The following NRDC variants were observed in gnomAD, a reference collection of about 807,000 sequenced individuals.
The protein encoded by NRDC is nardilysin.
NRDC carries 54 observed loss-of-function variants against 147.1 expected under a neutral mutation model. The observed-to-expected ratio is 0.37, with a 90% CI of 0.29 to 0.46. NRDC has a LOEUF of 0.46. NRDC is among the 20% of genes least tolerant of loss of function. The pLI, the probability that NRDC is intolerant of heterozygous loss-of-function variation, is 1.00. For missense variants in NRDC, 1,082 were observed against 1,370.6 expected (o/e 0.79, Z 3.33); for synonymous variants, 440 against 482.1 (o/e 0.91, Z 1.14).
chr1:51,823,511 G>A (rs1206063866), intron 7 of NRDC, among the ~76,000 whole-genome samples, 153 bp downstream of exon 7: 1 of 152,066 alleles, frequency 6.6e-6, no homozygotes, highest in South Asian at 2.1e-4. Flanking sequence ...TTTGCCACTA[G>A]CTACGTGACA....
chr1:51,847,151 C>G (rs539990613), intron 1 of NRDC, among the ~76,000 whole-genome samples: 138 of 152,332 alleles, frequency 9.1e-4, no homozygotes, highest in Non-Finnish European at 1.6e-3. Context: ...ACACAGAGTG[C>G]TGATTGGTGA....
intron 2 of NRDC, among the ~76,000 whole-genome samples, chr1:51,837,936 G>C (rs1200061871): frequency 6.6e-6 from 1 of 152,088 alleles, no homozygotes; most frequent in African/African-American, 2.4e-5. Flanking sequence ...CCTTAAACAA[G>C]TTTCACACAT....
chr1:51,806,767 G>A, intron 18 of NRDC, 27 bp downstream of exon 18: 1 of 1,603,100 alleles, frequency 6.2e-7, no homozygotes, highest in Non-Finnish European at 8.5e-7. Context: ...AATTCAGCAG[G>A]GAAGTAACAG....
In NRDC at chr1:51,840,521, G is replaced by T; in HGVS notation, c.342-7C>A. On this transcript the variant is annotated splice_region_variant and splice_polypyrimidine_tract_variant and intron_variant, in intron 1 of 30. Transcript: ENST00000352171. ...ATTCTGTAATTTGATGTATCTGGGG[G>T]GAGAAAAAAAAAATCACACATTTTG... The T allele has an allele frequency of 6.4e-7, 1 of 1,561,278 alleles. No individual in the cohort carries two copies. Among genetic ancestry groups the T allele is most frequent in the South Asian group, 1.2e-5 (1 of 83,198 alleles).
Position 51,794,670 on chromosome 1 carries a change from C to T in NRDC, c.2637-60G>A. On this transcript the variant is annotated intron_variant, in intron 23 of 30. Coordinates refer to ENST00000352171, the MANE Select transcript of NRDC (RefSeq NM_001101662.2). ...CAAAAACTATAAGAAGCTAGGCCTT[C>T]TAACTTTTCAATTGCCTTGTACACC... 3.1e-6 allele frequency: 5 copies of T among 1,600,178 alleles called. No individual in the cohort carries two copies. In the South Asian group the frequency reaches 3.3e-5, roughly 11 times the overall value.
chr1:51,868,546 T>G (rs1211773495), intron 1 of NRDC, among the ~76,000 whole-genome samples: 1 of 152,220 alleles, frequency 6.6e-6, no homozygotes, highest in African/African-American at 2.4e-5. Flanking sequence ...GTAATGTATT[T>G]TCATAGAATA....
intron 29 of NRDC, among the ~76,000 whole-genome samples, chr1:51,790,058 C>A (rs1191106577): frequency 1.3e-5 from 2 of 152,140 alleles, no homozygotes; most frequent in Non-Finnish European, 2.9e-5. Context: ...CTTTACATCA[C>A]AGAGCAATGA....
At chr1:51,864,778 C>A (rs1456136814) in intron 1 of NRDC, among the ~76,000 whole-genome samples, 1 of 151,768 alleles carries the variant, frequency 6.6e-6, no homozygotes. Context: ...ATGGTAAAAC[C>A]CTGTCTCTGC....
chr1:51,814,240 C>T (rs1166184319), intron 13 of NRDC, 151 bp from the exon 14 acceptor site: 23 of 597,522 alleles, frequency 3.8e-5, no homozygotes, highest in South Asian at 6.7e-5. Context: ...AACAAACCAC[C>T]GTGACACAAG....
rs755545648 is a variant in NRDC, at chr1:51,823,671, T to C, written c.1152A>G (p.Gln384=). 68 of 1,608,062 alleles carry C rather than the reference T, an allele frequency of 4.2e-5. No homozygotes were observed. Among genetic ancestry groups the C allele is most frequent in the South Asian group, 2.2e-4 (20 of 90,012 alleles). ...GCCATAATTAATAGTTACCTTTGGA[T>C]TGAACCACTAAAGTCATGTAATGAG... ...YSSHYMTLVV[Q]SKETLDTLEK... is the part of the protein sequence containing the mutation. The change falls in exon 7 of 31, where the codon CAA becomes CAG. Residue 384 remains glutamine, a synonymous_variant. Transcript: ENST00000352171.
chr1:51,809,392 T>C lies in NRDC; in HGVS notation c.1913A>G (p.Asn638Ser). Reference protein sequence around the residue: ...GTQYSIEDIENSWAELWNSNF... With the variant: ...GTQYSIEDIESSWAELWNSNF... ...ACTATTCCACAGTTCAGCCCAAGAG[T>C]TTTCAATATCTGTAAAGGAGAAAAA... Residue 638 changes from asparagine to serine, a missense_variant, in exon 17 of 31, where the codon AAC becomes AGC. Physicochemically the swap from Asn to Ser is conservative, Grantham distance 46. This residue lies in a region of NRDC where 635 missense variants were observed against 923.8 expected (regional missense o/e 0.69). Transcript: ENST00000352171. The C allele has an allele frequency of 1.2e-6, 2 of 1,608,562 alleles. No homozygotes were observed. The highest frequency in any genetic ancestry group is 1.7e-6 in the Non-Finnish European group (2 of 1,175,380).
chr1:51,836,085 A>C (rs145370659), intron 3 of NRDC, 46 bp downstream of exon 3: 23,557 of 1,410,510 alleles, frequency 0.017, 239 homozygotes, highest in Non-Finnish European at 0.019. Flanking sequence ...ATAAGTTTGG[A>C]GGGGGGAAAA....
intron 1 of NRDC, among the ~76,000 whole-genome samples, chr1:51,876,080 A>T (rs545345966): frequency 3.4e-4 from 52 of 152,350 alleles, no homozygotes; most frequent in African/African-American, 1.1e-3. Flanking sequence ...CAGTAAATGA[A>T]ATAACACATC....
intron 1 of NRDC, among the ~76,000 whole-genome samples, chr1:51,855,146 T>C (rs536343723): frequency 1.3e-5 from 2 of 152,358 alleles, no homozygotes; most frequent in Admixed American, 1.3e-4. Context: ...AATCAGTGTG[T>C]AACCCTCCAT....
chr1:51,866,307 T>A, intron 1 of NRDC, among the ~76,000 whole-genome samples: 1 of 152,294 alleles, frequency 6.6e-6, no homozygotes, highest in South Asian at 2.1e-4. Flanking sequence ...TCATGTTCTA[T>A]TGGTGTCAAT....
intron 14 of NRDC, 53 bp downstream of exon 14, chr1:51,813,982 C>A: frequency 1.7e-6 from 2 of 1,153,050 alleles, no homozygotes; most frequent in East Asian, 4.8e-5. Flanking sequence ...AATGTCTACA[C>A]CAGCTTCAAC....
chr1:51,868,615 C>T (rs951378261), intron 1 of NRDC, among the ~76,000 whole-genome samples: 6 of 152,076 alleles, frequency 3.9e-5, no homozygotes, highest in African/African-American at 7.2e-5. Context: ...GGTTCATGCC[C>T]GTAATTCCAG....
At chr1:51,825,832 C>CT (rs1165203873) in intron 5 of NRDC, among the ~76,000 whole-genome samples, 2 of 152,206 alleles carry the variant, frequency 1.3e-5, no homozygotes, top group Non-Finnish European at 2.9e-5. Flanking sequence ...TTAGCTACCG[C>CT]TAAAGACTGA....
In NRDC at chr1:51,789,555, T is replaced by C; in HGVS notation, c.3258+13A>G. On this transcript the variant is annotated intron_variant, in intron 30 of 30. Coordinates refer to ENST00000352171, the MANE Select transcript of NRDC (RefSeq NM_001101662.2). ...CAACCCTAGAATGGATGGAGTTAGT[T>C]AAACATACTCACATGAACGCTGAGC... The C allele has an allele frequency of 6.2e-7, 1 of 1,608,970 alleles. No individual in the cohort carries two copies. Among genetic ancestry groups the C allele is most frequent in the Non-Finnish European group, 8.5e-7 (1 of 1,175,258 alleles).
Sources: gnomAD v4.1 joint callset for allele counts (sites outside exome capture counted in the v4.1 genomes callset) on GRCh38, gnomAD v4.1.1 for gene constraint, gnomAD v4.1.1 regional missense constraint, MANE v1.5 for transcripts, NCBI Gene and HGNC (gene_info 2026-07-23, HGNC 2026-07-21) for gene names.